Variants in KCNT2 observed in about 807,000 individuals in gnomAD.
KCNT2 encodes potassium channel subfamily T member 2.
A neutral mutation model predicts 153.8 loss-of-function variants in KCNT2; 67 were observed. The observed-to-expected ratio is 0.44, with a 90% confidence interval of 0.36 to 0.53. The LOEUF is 0.53. KCNT2 is among the 20% of genes least tolerant of loss of function. The probability of loss-of-function intolerance (pLI) is 0.00; values close to 1 mark genes in which losing one functional copy is unlikely to be tolerated. For synonymous variants in KCNT2, 500 were observed against 458.8 expected (o/e 1.09, Z -1.15); for missense variants, 975 against 1,354.8 (o/e 0.72, Z 4.40).
intron 1 of KCNT2, among the ~76,000 whole-genome samples, chr1:196,536,322 C>G (rs1418760556): frequency 6.6e-6 from 1 of 152,200 alleles, no homozygotes; most frequent in Non-Finnish European, 1.5e-5. Context: ...GGCAGTTAAC[C>G]ACAAGGTTAA....
At chr1:196,530,646 A>G (rs946872452) in intron 1 of KCNT2, among the ~76,000 whole-genome samples, 6 of 152,088 alleles carry the variant, frequency 3.9e-5, no homozygotes, top group Non-Finnish European at 8.8e-5. Flanking sequence ...TGAAGTTTCT[A>G]GTAATTGTCA....
At chr1:196,255,520 G>C (rs1251215429) in intron 26 of KCNT2, among the ~76,000 whole-genome samples, 3 of 151,772 alleles carry the variant, frequency 2.0e-5, no homozygotes, top group Non-Finnish European at 4.4e-5. Flanking sequence ...ATGTGTTTGA[G>C]AACTAAATTT....
intron 8 of KCNT2, among the ~76,000 whole-genome samples, chr1:196,455,948 T>C (rs148385287): frequency 1.4e-3 from 208 of 152,150 alleles, no homozygotes; most frequent in African/African-American, 4.6e-3. Context: ...CCCAGGCAGA[T>C]TGGTAAAATT....
chr1:196,602,614 A>G (rs1000802740), intron 1 of KCNT2, among the ~76,000 whole-genome samples: 3 of 152,184 alleles, frequency 2.0e-5, no homozygotes, highest in Non-Finnish European at 2.9e-5. Flanking sequence ...TCACATTTCA[A>G]TTTTATTTAT....
At chr1:196,370,482 A>G (rs1339322709) in intron 14 of KCNT2, among the ~76,000 whole-genome samples, 2 of 152,104 alleles carry the variant, frequency 1.3e-5, no homozygotes, top group Non-Finnish European at 2.9e-5. Flanking sequence ...TGGGAATTGT[A>G]TTAGTCAGAG....
chr1:196,491,572 A>G (rs1391617024), intron 2 of KCNT2, among the ~76,000 whole-genome samples: 1 of 152,072 alleles, frequency 6.6e-6, no homozygotes, highest in Non-Finnish European at 1.5e-5. Flanking sequence ...TTTATTACAT[A>G]TGGCTTTTTA....
At chr1:196,548,926 A>G (rs1210345612) in intron 1 of KCNT2, among the ~76,000 whole-genome samples, 2 of 150,814 alleles carry the variant, frequency 1.3e-5, no homozygotes, top group East Asian at 2.0e-4. Flanking sequence ...AACACCGCAT[A>G]GTCTCACTCA....
chr1:196,333,874 G>C lies in KCNT2; in HGVS notation c.1970C>G (p.Pro657Arg). 1 of 1,609,764 alleles carries C rather than the reference G, an allele frequency of 6.2e-7. No homozygotes were observed. The highest frequency in any genetic ancestry group is 2.2e-5 in the East Asian group (1 of 44,680). Residue 657 changes from proline (P) to arginine (R), a missense_variant, in exon 17 of 28, where the codon CCA becomes CGA. This residue lies in a region of KCNT2 where 325 missense variants were observed against 388.1 expected (regional missense o/e 0.84). Transcript: ENST00000294725. ...TAAGTTTGAAGACATTTCTTCATCT[G>C]GTGTAGTTTCATCTTCTGATTGGTC... ...LSDQSEDETT[P>R]DEEMSSNLEY...
Position 196,467,610 on chromosome 1 carries a change from A to G in KCNT2, c.543+93T>C, listed in dbSNP as rs1677735487. The G allele has an allele frequency of 6.9e-6, 5 of 726,802 alleles. No homozygotes were observed. The South Asian group carries it at 1.2e-4, about 17-fold the overall frequency. 45.0% of individuals were successfully genotyped at this position (726,802 alleles called of 1,614,324 possible). Reference sequence around the variant, plus strand: ...GCAGAATTAGAAAGTTCAAGACTAGATCCCAAATTCTCTCTCTCTGTTTAA... The same window carrying G: ...GCAGAATTAGAAAGTTCAAGACTAGGTCCCAAATTCTCTCTCTCTGTTTAA... On this transcript the variant is annotated intron_variant, in intron 7 of 27. Coordinates refer to ENST00000294725, the MANE Select transcript of KCNT2 (RefSeq NM_198503.5).
In KCNT2 at chr1:196,373,146, C is replaced by T; in HGVS notation, c.1397G>A (p.Arg466Lys). Residue 466 changes from arginine (R) to lysine (K), a missense_variant, in exon 14 of 28, where the codon AGA (arginine) becomes AAA (lysine). Coordinates refer to ENST00000294725, the MANE Select transcript of KCNT2 (RefSeq NM_198503.5). ...AAAGAAAAAATATACTTACTGCCCT[C>T]TAGAGGTATGAACCAGTAGTGTAAT... The part of the protein sequence containing the change: ...TLITLLVHTS[R>K]GQEGQQSPEQ... 1 of 1,450,898 alleles carries T rather than the reference C, an allele frequency of 6.9e-7. No individual in the cohort carries two copies. The highest frequency in any genetic ancestry group is 1.2e-5 in the South Asian group (1 of 85,730). The allele number at this position is 1,450,898 out of a possible 1,614,324, so 89.9% of individuals were successfully genotyped here. A position where few individuals can be genotyped will look rare whatever the true frequency, so the allele number is the denominator to read the frequency against.
At chr1:196,395,348 T>A (rs1670841947) in intron 13 of KCNT2, among the ~76,000 whole-genome samples, 1 of 151,520 alleles carries the variant, frequency 6.6e-6, no homozygotes, top group Non-Finnish European at 1.5e-5. Context: ...GCTTTTGAAA[T>A]CTCTCTTATA....
chr1:196,595,722 A>T (rs998610077), intron 1 of KCNT2, among the ~76,000 whole-genome samples: 4 of 152,000 alleles, frequency 2.6e-5, no homozygotes, highest in African/African-American at 9.7e-5. Context: ...TTTGGGGCAC[A>T]GGTGGTTTTT....
intron 25 of KCNT2, among the ~76,000 whole-genome samples, chr1:196,269,312 CTATAGTG>C (rs892978896): frequency 6.6e-6 from 1 of 152,064 alleles, no homozygotes; most frequent in Non-Finnish European, 1.5e-5. Flanking sequence ...TTGGTATGGA[CTATAGTG>C]GCCCAATGGT....
chr1:196,432,121 T>C (rs1674207547), intron 8 of KCNT2, among the ~76,000 whole-genome samples: 1 of 152,084 alleles, frequency 6.6e-6, no homozygotes, highest in Non-Finnish European at 1.5e-5. Context: ...GTCAAGCAGG[T>C]GCAGGAGTGA....
chr1:196,347,197 C>G (rs994251454), intron 14 of KCNT2, among the ~76,000 whole-genome samples: 1 of 152,004 alleles, frequency 6.6e-6, no homozygotes, highest in Admixed American at 6.6e-5. Flanking sequence ...GTTTTTGTAC[C>G]TTTATTGGTA....
intron 1 of KCNT2, among the ~76,000 whole-genome samples, chr1:196,511,396 C>T (rs1452797969): frequency 1.3e-5 from 2 of 152,022 alleles, no homozygotes; most frequent in African/African-American, 4.8e-5. Flanking sequence ...AACCAGGGTC[C>T]CTAAAGGCAA....
At chr1:196,238,046 G>A (rs1042813339) in intron 26 of KCNT2, among the ~76,000 whole-genome samples, 3 of 151,740 alleles carry the variant, frequency 2.0e-5, no homozygotes, top group Non-Finnish European at 2.9e-5. Flanking sequence ...GTAAGAGGTG[G>A]ACTAGAAAAT....
chr1:196,454,039 T>C (rs905647396), intron 8 of KCNT2, among the ~76,000 whole-genome samples: 1 of 151,970 alleles, frequency 6.6e-6, no homozygotes, highest in Non-Finnish European at 1.5e-5. Context: ...TCAGATGGAA[T>C]GTGTACTCTT....
chr1:196,258,649 T>C (rs1558074326), intron 25 of KCNT2, 155 bp from the exon 26 acceptor site: 1 of 701,620 alleles, frequency 1.4e-6, no homozygotes, highest in Non-Finnish European at 2.5e-6. Context: ...AATTTTCCAT[T>C]ACTAAAAATA....
Sources: gnomAD v4.1 joint callset for allele counts (sites outside exome capture counted in the v4.1 genomes callset) on GRCh38, gnomAD v4.1.1 for gene constraint, gnomAD v4.1.1 regional missense constraint, MANE v1.5 for transcripts, NCBI Gene and HGNC (gene_info 2026-07-23, HGNC 2026-07-21) for gene names.